MEF2D: variants seen among roughly 807,000 people sequenced by gnomAD.
The protein encoded by MEF2D is myocyte enhancer factor 2D, also known as myocyte-specific enhancer factor 2D.
MEF2D carries 10 observed loss-of-function variants against 59.3 expected under a neutral mutation model. That is an observed-to-expected ratio of 0.17 (90% CI 0.10 to 0.29). MEF2D has a LOEUF of 0.29. Ranked by LOEUF, MEF2D falls within the 10% of genes least tolerant of loss-of-function variation. The pLI is 1.00. For missense variants in MEF2D, 508 were observed against 699.4 expected, an observed-to-expected ratio of 0.73 and a Z score of 3.09; for synonymous variants, 305 against 295.0, an observed-to-expected ratio of 1.03 and a Z score of -0.35.
chr1:156,482,659 G>A lies in MEF2D; in HGVS notation c.55-19C>T, dbSNP rs1235589349. On this transcript the variant is annotated intron_variant, in intron 2 of 11. Transcript: ENST00000348159. ...AAGTCACCTGCAGAGAAGGATGGGT[G>A]GGCGGCCAGATCTGGCTCAGTTAAG... The A allele has an allele frequency of 1.2e-6, 2 of 1,613,606 alleles. No individual in the cohort carries two copies. The highest frequency in any genetic ancestry group is 2.2e-5 in the East Asian group (1 of 44,878).
intron 1 of MEF2D, among the ~76,000 whole-genome samples, chr1:156,498,931 G>A (rs1004159104): frequency 2.5e-4 from 38 of 152,210 alleles, no homozygotes; most frequent in Admixed American, 2.6e-4. Flanking sequence ...AGGCAGGGCC[G>A]TGGGAGCTGG....
intron 1 of MEF2D, among the ~76,000 whole-genome samples, chr1:156,496,835 G>T (rs936563558): frequency 6.6e-6 from 1 of 152,258 alleles, no homozygotes; most frequent in Non-Finnish European, 1.5e-5. Flanking sequence ...TCCCACTACT[G>T]GGGGAAAGGG....
chr1:156,474,843 A>G lies in MEF2D; in HGVS notation c.1006+265T>C, dbSNP rs116326813. ...AAAAAAAAACAAACCCAAAAATAAA[A>G]TATGTCTTTGGGACATACATTAGCA... is the stretch of plus-strand genomic sequence containing the variant. On this transcript the variant is annotated intron_variant, in intron 9 of 11. Transcript: ENST00000348159. Among the ~76,000 whole-genome samples the G allele has an allele frequency of 5.4e-3, 822 of 152,304 alleles. 4 individuals carry two copies. Among genetic ancestry groups the G allele is most frequent in the African/African-American group, 0.019 (786 of 41,572 alleles).
intron 1 of MEF2D, chr1:156,499,304 C>T (rs559401667): frequency 6.6e-6 from 1 of 152,574 alleles, no homozygotes; most frequent in African/African-American, 2.4e-5. Flanking sequence ...GAGGAAAACT[C>T]AAATGGGGGT....
intron 1 of MEF2D, 39 bp downstream of exon 1, chr1:156,500,446 GC>G (rs1673430192): frequency 6.6e-6 from 1 of 152,392 alleles, no homozygotes; most frequent in Non-Finnish European, 1.5e-5. Flanking sequence ...GGGGGAGGGG[GC>G]CTCTTAAAGT....
intron 1 of MEF2D, among the ~76,000 whole-genome samples, chr1:156,484,894 G>A (rs117144646): frequency 6.6e-6 from 1 of 152,192 alleles, no homozygotes; most frequent in African/African-American, 2.4e-5. Context: ...ATGGGACGGA[G>A]GCACGGAATG....
intron 1 of MEF2D, among the ~76,000 whole-genome samples, chr1:156,500,099 G>A (rs1016669893): frequency 2.0e-5 from 3 of 152,128 alleles, no homozygotes; most frequent in Admixed American, 2.0e-4. Flanking sequence ...CTGTTAAAAT[G>A]TCAGTCGCTC....
chr1:156,481,426 T>G (rs1224989068), intron 3 of MEF2D, among the ~76,000 whole-genome samples: 1 of 151,918 alleles, frequency 6.6e-6, no homozygotes, highest in Non-Finnish European at 1.5e-5. Flanking sequence ...GGGCTCTGCT[T>G]AGGAGAATAG....
At position 156,500,585 on chromosome 1, in the gene MEF2D, G is replaced by C. The variant is rs1291555503; in HGVS notation, c.-238C>G. The C allele has an allele frequency of 6.6e-6, 1 of 152,210 alleles. No individual in the cohort carries two copies. Among genetic ancestry groups the C allele is most frequent in the East Asian group, 1.9e-4 (1 of 5,184 alleles). The allele number at this position is 152,210 out of a possible 1,614,324, so 9.4% of individuals were successfully genotyped here. A position where few individuals can be genotyped will look rare whatever the true frequency, so the allele number is the denominator to read the frequency against. On this transcript the variant is annotated 5_prime_UTR_variant, in exon 1 of 12. Transcript: ENST00000348159. ...CACCGGGAAGCCGCAGCTCCGGGCG[G>C]GGAGAATAATAAATGAGGCCGGCGT...
rs1247072590 is a variant in MEF2D, at chr1:156,465,738, C to T, written c.*1907G>A. ...CACTCAGACACATAAACACCAGATGCCCTCATGAACACACTCAGGTACACG... is the reference window on the plus strand; with the variant it reads ...CACTCAGACACATAAACACCAGATGTCCTCATGAACACACTCAGGTACACG... On this transcript the variant is annotated 3_prime_UTR_variant, in exon 12 of 12. Transcript: ENST00000348159. The T allele has an allele frequency of 6.6e-6, 1 of 152,166 alleles. No homozygotes were observed. The highest frequency in any genetic ancestry group is 2.4e-5 in the African/African-American group (1 of 41,416). 9.4% of individuals were successfully genotyped at this position (152,166 alleles called of 1,614,324 possible). A position where few individuals can be genotyped will look rare whatever the true frequency, so the allele number is the denominator to read the frequency against.
At chr1:156,469,106 G>T (rs978089095) in intron 9 of MEF2D, 86 bp from the exon 10 acceptor site, 2 of 1,493,610 alleles carry the variant, frequency 1.3e-6, no homozygotes, top group Non-Finnish European at 9.0e-7. Flanking sequence ...GAGGACTGTG[G>T]GGATGAGGGG....
intron 1 of MEF2D, among the ~76,000 whole-genome samples, chr1:156,489,872 G>T (rs1672644911): frequency 6.6e-6 from 1 of 152,160 alleles, no homozygotes; most frequent in Non-Finnish European, 1.5e-5. Flanking sequence ...TGAATCCCCA[G>T]GCCCTGCCTT....
chr1:156,487,945 C>T (rs929903706), intron 1 of MEF2D, among the ~76,000 whole-genome samples: 1 of 152,248 alleles, frequency 6.6e-6, no homozygotes, highest in Non-Finnish European at 1.5e-5. Flanking sequence ...CTTGGGAGGA[C>T]TTGGGCTACC....
At chr1:156,497,305 G>A (rs1179577698) in intron 1 of MEF2D, among the ~76,000 whole-genome samples, 1 of 152,266 alleles carries the variant, frequency 6.6e-6, no homozygotes, top group Non-Finnish European at 1.5e-5. Context: ...AGCAATTACA[G>A]TGATGCTGAG....
Position 156,477,217 on chromosome 1 carries a change from AC to A in MEF2D, c.665-16del. ...GTAGCCATTCCCTGGAGAAGTGACA[AC>A]AAGAGGGTAAAAGGAAAAACATGGG... is the stretch of plus-strand genomic sequence containing the variant. On this transcript the variant is annotated splice_polypyrimidine_tract_variant and intron_variant, in intron 6 of 11. Transcript: ENST00000348159. 1 of 1,576,608 alleles carries A rather than the reference AC, an allele frequency of 6.3e-7. No individual in the cohort carries two copies. Among genetic ancestry groups the A allele is most frequent in the Non-Finnish European group, 8.6e-7 (1 of 1,160,360 alleles).
chr1:156,485,564 A>G (rs1672306134), intron 1 of MEF2D, among the ~76,000 whole-genome samples: 1 of 145,748 alleles, frequency 6.9e-6, no homozygotes, highest in Admixed American at 6.9e-5. Context: ...GTTTTTTAAG[A>G]TAGGGTCTTG....
At position 156,480,842 on chromosome 1, in the gene MEF2D, G is replaced by C. The variant is rs551484443; in HGVS notation, c.388C>G (p.Arg130Gly). Residue 130 changes from arginine to glycine, a missense_variant, in exon 4 of 12, where the codon CGC (arginine) becomes GGC (glycine). By Grantham distance (125) the Arg-to-Gly change is moderately radical (BLOSUM62 -2). Around this residue, in one of 2 missense-constraint regions of MEF2D, gnomAD observed 481 missense variants for 584.7 expected, o/e 0.82. Coordinates refer to ENST00000348159, the MANE Select transcript of MEF2D (RefSeq NM_005920.4). Reference sequence around the variant, plus strand: ...GAGTGAGTGGGGCTCACCCCATAGCGCCGGAAGAGCCCGTCGAGCTCCTCG... The same window carrying C: ...GAGTGAGTGGGGCTCACCCCATAGCCCCGGAAGAGCCCGTCGAGCTCCTCG... ...ASEELDGLFRRYGSTVPAPNF... is the reference protein window; with the variant it reads ...ASEELDGLFRGYGSTVPAPNF... The C allele has an allele frequency of 6.3e-7, 1 of 1,593,402 alleles. No individual in the cohort carries two copies. The highest frequency in any genetic ancestry group is 1.3e-5 in the African/African-American group (1 of 74,674).
At chr1:156,476,806 T>G (rs1436973535) in intron 7 of MEF2D, 2 of 661,624 alleles carry the variant, frequency 3.0e-6, no homozygotes, top group African/African-American at 3.6e-5. Context: ...CCCTTTTTAC[T>G]GCCTTAGGCT....
intron 9 of MEF2D, among the ~76,000 whole-genome samples, chr1:156,472,715 A>ATT (rs569939196): frequency 7.4e-5 from 10 of 134,838 alleles, no homozygotes; most frequent in African/African-American, 2.2e-4. Flanking sequence ...CGCCCGGCTA[A>ATT]TTTTTTTTTT....
Sources: gnomAD v4.1 joint callset for allele counts (sites outside exome capture counted in the v4.1 genomes callset) on GRCh38, gnomAD v4.1.1 for gene constraint, gnomAD v4.1.1 regional missense constraint, MANE v1.5 for transcripts, NCBI Gene and HGNC (gene_info 2026-07-23, HGNC 2026-07-21) for gene names.